Variants in EYS observed in about 807,000 individuals in gnomAD.
The protein encoded by EYS is protein eyes shut homolog.
Under a neutral mutation model 282.1 loss-of-function variants are expected in EYS, and 250 were observed. The ratio of observed to expected loss-of-function variants is 0.89; its 90% CI spans 0.80 to 0.98. The LOEUF (loss-of-function observed/expected upper bound fraction) is 0.98. Ranked by LOEUF, EYS falls within the 50% of genes least tolerant of loss-of-function variation. The probability of loss-of-function intolerance (pLI) is 0.00; values close to 1 mark genes in which losing one functional copy is unlikely to be tolerated. For synonymous variants in EYS, 1,355 were observed against 1,282.9 expected (o/e 1.06, Z -1.20); for missense variants, 4,016 against 3,709.0 (o/e 1.08, Z -2.15).
intron 35 of EYS, among the ~76,000 whole-genome samples, chr6:63,888,171 T>C (rs1269594939): frequency 6.6e-6 from 1 of 152,206 alleles, no homozygotes; most frequent in Non-Finnish European, 1.5e-5. Context: ...CCCATCTCCC[T>C]GGGACAGAGC....
intron 26 of EYS, among the ~76,000 whole-genome samples, chr6:64,492,651 G>A (rs1172796847): frequency 6.6e-6 from 1 of 151,176 alleles, no homozygotes; most frequent in Non-Finnish European, 1.5e-5. Flanking sequence ...CTGGGTGTGT[G>A]GAGAAGAACA....
chr6:64,377,084 A>AATAGATAGATAGATAG lies in EYS; in HGVS notation c.6078+11590_6078+11605dup, dbSNP rs745336445. On this transcript the variant is annotated intron_variant, in intron 29 of 42. Transcript: ENST00000503581. ...ATAGTGGATACTCTCTAGCTGGATG[A>AATAGATAGATAGATAG]ATAGATAGATAGATAGATAGATGGA... Among the ~76,000 whole-genome samples, 426 of 151,990 alleles carry AATAGATAGATAGATAG rather than the reference A, an allele frequency of 2.8e-3. 1 individual carries two copies. The highest frequency in any genetic ancestry group is 9.5e-3 in the African/African-American group (392 of 41,394).
chr6:63,955,409 G>T (rs982301162), intron 35 of EYS, among the ~76,000 whole-genome samples: 1 of 152,062 alleles, frequency 6.6e-6, no homozygotes, highest in Non-Finnish European at 1.5e-5. Flanking sequence ...CAGTGGCAAG[G>T]TACACTTCAA....
intron 5 of EYS, among the ~76,000 whole-genome samples, chr6:65,475,370 GTCTTTATA>G (rs1440583847): frequency 2.0e-5 from 3 of 151,722 alleles, no homozygotes; most frequent in African/African-American, 7.3e-5. Context: ...TCTAGCATTG[GTCTTTATA>G]TATACCCAGT....
intron 14 of EYS, among the ~76,000 whole-genome samples, chr6:64,973,954 CA>C (rs1267808799): frequency 2.6e-5 from 4 of 151,536 alleles, no homozygotes; most frequent in Non-Finnish European, 5.9e-5. Context: ...CCCTCAAAAG[CA>C]AAGGAAGTTT....
chr6:65,337,159 C>G (rs1176434879), intron 10 of EYS, among the ~76,000 whole-genome samples: 1 of 151,428 alleles, frequency 6.6e-6, no homozygotes, highest in Non-Finnish European at 1.5e-5. Flanking sequence ...AAATGAGAAT[C>G]TGTCTTTTCA....
rs571750887 is a variant in EYS, at chr6:64,207,591, G to A, written c.6424+23001C>T. Among the ~76,000 whole-genome samples, 15 of 152,246 alleles carry A rather than the reference G, an allele frequency of 9.9e-5. No individual in the cohort carries two copies. The South Asian group carries it at 1.0e-3, about 11-fold the overall frequency. On this transcript the variant is annotated intron_variant, in intron 31 of 42. Coordinates refer to ENST00000503581, the MANE Select transcript of EYS (RefSeq NM_001142800.2). ...GGGGGAGTGAAAAAGATGTGAGAAG[G>A]TAAGGGAAGAAAATGGGCTCTTTTT... is the stretch of plus-strand genomic sequence containing the variant.
At chr6:64,469,732 G>A (rs1776048726) in intron 26 of EYS, among the ~76,000 whole-genome samples, 1 of 151,986 alleles carries the variant, frequency 6.6e-6, no homozygotes, top group Non-Finnish European at 1.5e-5. Flanking sequence ...GGAGTTTAGA[G>A]AAGACTCTAC....
rs558915204 is a variant in EYS at position 64,232,291 on chromosome 6, T to C, written c.6192-1467A>G. Among the ~76,000 whole-genome samples, 6 of 152,318 alleles carry C rather than the reference T, an allele frequency of 3.9e-5. No individual in the cohort carries two copies. In the South Asian group the frequency reaches 1.2e-3, roughly 32 times the overall value. On this transcript the variant is annotated intron_variant, in intron 30 of 42. Transcript: ENST00000503581. ...CTTTTCTTCATTTTATTCCTAACGA[T>C]GCTTGATCTCTAGTAGGCTCTCCAG...
Position 64,822,818 on chromosome 6 carries a change from G to C in EYS, c.2997C>G (p.Ile999Met), listed in dbSNP as rs1562210306. The change falls in exon 20 of 43, where the codon ATC becomes ATG. Residue 999 changes from isoleucine (I) to methionine (M), a missense_variant. Ile to Met is a conservative substitution (Grantham distance 10). Coordinates refer to ENST00000503581, the MANE Select transcript of EYS (RefSeq NM_001142800.2). The part of the protein sequence containing the change: ...NCLCAPGYTG[I>M]NCEINLDECL... The stretch of plus-strand genomic sequence containing the variant: ...ATTCATCTAGATTTATTTCACAGTT[G>C]ATGCCTGTGTTGGAACAGACAAGGC... 1 of 1,548,018 alleles carries C rather than the reference G, an allele frequency of 6.5e-7. No homozygotes were observed. Among genetic ancestry groups the C allele is most frequent in the Non-Finnish European group, 8.7e-7 (1 of 1,145,046 alleles).
chr6:65,341,023 TAA>T, intron 10 of EYS, among the ~76,000 whole-genome samples: 1 of 150,962 alleles, frequency 6.6e-6, no homozygotes, highest in African/African-American at 2.4e-5. Flanking sequence ...TTCTTAAGAA[TAA>T]AAAAAATTCG....
chr6:64,529,002 A>T (rs190437424), intron 26 of EYS, among the ~76,000 whole-genome samples: 1 of 152,194 alleles, frequency 6.6e-6, no homozygotes, highest in African/African-American at 2.4e-5. Context: ...AGCAAGACAT[A>T]CAATGGTATA....
At chr6:65,390,396 G>A (rs9445538) in intron 7 of EYS, among the ~76,000 whole-genome samples, 31,045 of 150,948 alleles carry the variant, frequency 0.21, 3,294 homozygotes, top group South Asian at 0.35. Flanking sequence ...GAGAGAGAGA[G>A]GATACAGCTG....
At chr6:65,483,383 T>C (rs1320378623) in intron 5 of EYS, among the ~76,000 whole-genome samples, 2 of 152,168 alleles carry the variant, frequency 1.3e-5, no homozygotes, top group Non-Finnish European at 2.9e-5. Context: ...AATTATAATA[T>C]TCCAAATGAT....
Position 65,485,242 on chromosome 6 carries a change from A to C in EYS, c.862+5352T>G, listed in dbSNP as rs188330700. Reference sequence around the variant, plus strand: ...ACTGACTGTATACAAACCAGAATGCATACATTAATTGAGCAATCATCAGCA... The same window carrying C: ...ACTGACTGTATACAAACCAGAATGCCTACATTAATTGAGCAATCATCAGCA... On this transcript the variant is annotated intron_variant, in intron 5 of 42. Coordinates refer to ENST00000503581, the MANE Select transcript of EYS (RefSeq NM_001142800.2). Among the ~76,000 whole-genome samples, 42 of 152,356 alleles carry C rather than the reference A, an allele frequency of 2.8e-4. No individual in the cohort carries two copies. The East Asian group carries it at 8.1e-3, about 29-fold the overall frequency.
intron 29 of EYS, among the ~76,000 whole-genome samples, chr6:64,361,539 G>C (rs1018713760): frequency 6.6e-6 from 1 of 151,640 alleles, no homozygotes; most frequent in African/African-American, 2.4e-5. Context: ...GCTCATTTTT[G>C]ATCATTTTAA....
intron 31 of EYS, among the ~76,000 whole-genome samples, chr6:64,087,744 CTTG>C (rs1772205051): frequency 1.3e-5 from 2 of 152,018 alleles, no homozygotes; most frequent in Admixed American, 6.5e-5. Context: ...CAGCATTTTT[CTTG>C]TTGTTAGGGC....
At chr6:65,365,529 T>TTATCTTA (rs1426764587) in intron 8 of EYS, among the ~76,000 whole-genome samples, 8 of 151,498 alleles carry the variant, frequency 5.3e-5, no homozygotes, top group Non-Finnish European at 1.0e-4. Flanking sequence ...GGTTTCTCTT[T>TTATCTTA]TATTTTGTTT....
chr6:64,028,826 T>C (rs566470139), intron 33 of EYS, among the ~76,000 whole-genome samples: 87 of 152,326 alleles, frequency 5.7e-4, no homozygotes, highest in African/African-American at 2.0e-3. Context: ...TTTTGAACTT[T>C]CTAGCTAATC....
Sources: gnomAD v4.1 joint callset for allele counts (sites outside exome capture counted in the v4.1 genomes callset) on GRCh38, gnomAD v4.1.1 for gene constraint, MANE v1.5 for transcripts, NCBI Gene and HGNC (gene_info 2026-07-23, HGNC 2026-07-21) for gene names.